TMEM132D: variants seen among roughly 807,000 people sequenced by gnomAD.
TMEM132D encodes the protein transmembrane protein 132D.
TMEM132D carries 21 observed loss-of-function variants against 62.3 expected under a neutral mutation model. The ratio of observed to expected loss-of-function variants is 0.34; its 90% confidence interval spans 0.24 to 0.49. The LOEUF (loss-of-function observed/expected upper bound fraction) is 0.49, where lower values mean the gene tolerates loss of function less well. Ranked by LOEUF, TMEM132D falls within the 20% of genes least tolerant of loss-of-function variation. The pLI is 0.99. For synonymous variants in TMEM132D, 621 were observed against 575.6 expected, an observed-to-expected ratio of 1.08 and a Z score of -1.13; for missense variants, 1,346 against 1,402.8, an observed-to-expected ratio of 0.96 and a Z score of 0.65.
chr12:129,586,105 T>C (rs576442931), intron 2 of TMEM132D, among the ~76,000 whole-genome samples: 9 of 150,522 alleles, frequency 6.0e-5, no homozygotes, highest in African/African-American at 2.3e-4. Flanking sequence ...GAGACACGGC[T>C]ATGTGTTCAC....
chr12:129,553,199 C>T lies in TMEM132D; in HGVS notation c.969-21994G>A, dbSNP rs148209285. On this transcript the variant is annotated intron_variant, in intron 2 of 8. Transcript: ENST00000422113. The stretch of plus-strand genomic sequence containing the variant: ...CTCATCAGTCAGGCTCCCTGCTGGT[C>T]GCTCTCACCACTGCTGCCCCGATGC... Among the ~76,000 whole-genome samples the T allele has an allele frequency of 2.4e-3, 369 of 152,206 alleles. 2 individuals carry two copies. The highest frequency in any genetic ancestry group is 8.2e-3 in the African/African-American group (340 of 41,520).
At chr12:129,794,253 A>ATTTTTTT (rs3046861) in intron 1 of TMEM132D, among the ~76,000 whole-genome samples, 5 of 111,556 alleles carry the variant, frequency 4.5e-5, no homozygotes, top group South Asian at 3.2e-4. Context: ...CATGCCCAGC[A>ATTTTTTT]TTTTTTTTTT....
chr12:129,444,665 T>C (rs2135723101), intron 3 of TMEM132D, among the ~76,000 whole-genome samples: 1 of 152,208 alleles, frequency 6.6e-6, no homozygotes, highest in African/African-American at 2.4e-5. Flanking sequence ...TCTTTGTCCG[T>C]GTATTCTCAT....
At chr12:129,382,911 C>A (rs12305525) in intron 3 of TMEM132D, among the ~76,000 whole-genome samples, 1,989 of 152,216 alleles carry the variant, frequency 0.013, 37 homozygotes, top group African/African-American at 0.045. Context: ...TCAATCTGTA[C>A]CTTCCTGTTT....
At chr12:129,290,624 T>C (rs1207211370) in intron 4 of TMEM132D, among the ~76,000 whole-genome samples, 3 of 152,226 alleles carry the variant, frequency 2.0e-5, no homozygotes. Context: ...GAAAAAGGTT[T>C]AGAAGAATAT....
intron 3 of TMEM132D, among the ~76,000 whole-genome samples, chr12:129,526,833 A>C (rs1876059420): frequency 6.6e-6 from 1 of 152,200 alleles, no homozygotes; most frequent in Non-Finnish European, 1.5e-5. Context: ...ACAGTCCTGA[A>C]GCAGTCTTGA....
At chr12:129,747,580 A>G (rs184262240) in intron 1 of TMEM132D, among the ~76,000 whole-genome samples, 4,888 of 151,116 alleles carry the variant, frequency 0.032, 149 homozygotes, top group South Asian at 0.15. Context: ...ACACACACAC[A>G]CACGCGCTCA....
intron 3 of TMEM132D, among the ~76,000 whole-genome samples, chr12:129,525,214 G>T (rs1341516897): frequency 1.5e-5 from 2 of 137,318 alleles, no homozygotes; most frequent in Admixed American, 7.8e-5. Context: ...TATGAGCCAC[G>T]GTGCCCAGCC....
In TMEM132D at chr12:129,263,050, T is replaced by C. The variant is rs138597128; in HGVS notation, c.1300-53387A>G. The stretch of plus-strand genomic sequence containing the variant: ...TCTGAGAACGTATTCTCCATTTCCC[T>C]GAGCACTTACTCTCTGCAGGGTTAC... On this transcript the variant is annotated intron_variant, in intron 4 of 8. Transcript: ENST00000422113. Among the ~76,000 whole-genome samples, 882 of 152,278 alleles carry C rather than the reference T, an allele frequency of 5.8e-3. 7 individuals are homozygous for C. Among genetic ancestry groups the C allele is most frequent in the African/African-American group, 0.02 (847 of 41,548 alleles).
At chr12:129,664,921 A>G (rs1421226545) in intron 2 of TMEM132D, among the ~76,000 whole-genome samples, 1 of 152,140 alleles carries the variant, frequency 6.6e-6, no homozygotes, top group Non-Finnish European at 1.5e-5. Context: ...GTTCTAAGTG[A>G]GCTGTATGCA....
intron 5 of TMEM132D, among the ~76,000 whole-genome samples, chr12:129,185,728 T>C (rs1878200157): frequency 2.0e-5 from 3 of 151,500 alleles, no homozygotes; most frequent in African/African-American, 7.3e-5. Context: ...TATCTATCTG[T>C]CTATCTATCT....
intron 5 of TMEM132D, among the ~76,000 whole-genome samples, chr12:129,169,073 C>T (rs1877643618): frequency 6.6e-6 from 1 of 152,142 alleles, no homozygotes; most frequent in African/African-American, 2.4e-5. Flanking sequence ...TTTCGTAAAG[C>T]CGTCTTTAAA....
At chr12:129,868,833 G>C (rs1426462248) in intron 1 of TMEM132D, among the ~76,000 whole-genome samples, 1 of 152,136 alleles carries the variant, frequency 6.6e-6, no homozygotes, top group Non-Finnish European at 1.5e-5. Context: ...GCAGCAGAAG[G>C]AGCCAGGTTC....
At chr12:129,519,235 G>A (rs1875775524) in intron 3 of TMEM132D, among the ~76,000 whole-genome samples, 1 of 152,098 alleles carries the variant, frequency 6.6e-6, no homozygotes, top group South Asian at 2.1e-4. Context: ...AATTTAGCAC[G>A]TCCTTCAATG....
At chr12:129,818,392 G>A (rs991962562) in intron 1 of TMEM132D, among the ~76,000 whole-genome samples, 1 of 146,670 alleles carries the variant, frequency 6.8e-6, no homozygotes, top group African/African-American at 2.5e-5. Context: ...TGTGTGTGAT[G>A]TCGGGGGTGT....
At chr12:129,147,242 ATGTT>A (rs1876928985) in intron 5 of TMEM132D, among the ~76,000 whole-genome samples, 1 of 140,530 alleles carries the variant, frequency 7.1e-6, no homozygotes, top group Non-Finnish European at 1.5e-5. Context: ...ATATATACAT[ATGTT>A]TATGTATATA....
chr12:129,649,228 G>A (rs965657778), intron 2 of TMEM132D, among the ~76,000 whole-genome samples: 3 of 152,068 alleles, frequency 2.0e-5, no homozygotes, highest in Non-Finnish European at 4.4e-5. Flanking sequence ...TCAGGTACAG[G>A]GTTCTGACAA....
chr12:129,676,079 T>C (rs1303748054), intron 2 of TMEM132D, among the ~76,000 whole-genome samples: 2 of 152,130 alleles, frequency 1.3e-5, no homozygotes, highest in African/African-American at 2.4e-5. Flanking sequence ...CTCGAGAATA[T>C]GCAAGGAAGA....
intron 1 of TMEM132D, among the ~76,000 whole-genome samples, chr12:129,716,212 T>C (rs900290107): frequency 2.6e-5 from 4 of 152,098 alleles, no homozygotes; most frequent in African/African-American, 4.8e-5. Context: ...TTTAAAGAGA[T>C]GAAACTTGGA....
Sources: allele counts gnomAD v4.1 joint callset (sites outside exome capture counted in the v4.1 genomes callset), GRCh38; gene constraint gnomAD v4.1.1; transcripts MANE v1.5; gene names NCBI Gene and HGNC (gene_info 2026-07-23, HGNC 2026-07-21).